NEGR1: variants seen among roughly 807,000 people sequenced by gnomAD.
NEGR1 encodes IgLON family member 4.
In NEGR1, 10 loss-of-function variants were observed where a neutral mutation model predicts 40.9. That is an observed-to-expected ratio of 0.24 (90% CI 0.15 to 0.42). The LOEUF is 0.42. Ranked by LOEUF, NEGR1 falls within the 10% of genes least tolerant of loss-of-function variation. The pLI, the probability that NEGR1 is intolerant of heterozygous loss-of-function variation, is 1.00. For missense variants in NEGR1, 352 were observed against 438.9 expected (o/e 0.80, Z 1.77); for synonymous variants, 185 against 166.8 (o/e 1.11, Z -0.84).
chr1:71,647,225 C>A (rs1197449214), intron 4 of NEGR1, among the ~76,000 whole-genome samples: 1 of 151,778 alleles, frequency 6.6e-6, no homozygotes, highest in Non-Finnish European at 1.5e-5. Context: ...TCACCATTTT[C>A]ATTCTTGAGA....
At chr1:71,707,884 A>G (rs1470652570) in intron 3 of NEGR1, among the ~76,000 whole-genome samples, 1 of 152,172 alleles carries the variant, frequency 6.6e-6, no homozygotes, top group Non-Finnish European at 1.5e-5. Flanking sequence ...CTTCTCTTGC[A>G]TCTTGTCCAA....
intron 6 of NEGR1, among the ~76,000 whole-genome samples, chr1:71,554,209 T>A (rs541706671): frequency 6.6e-6 from 1 of 151,726 alleles, no homozygotes; most frequent in South Asian, 2.1e-4. Context: ...TATAGAACAT[T>A]GATTGTTTTT....
chr1:71,915,686 T>G (rs765495511), intron 2 of NEGR1, among the ~76,000 whole-genome samples: 3 of 152,154 alleles, frequency 2.0e-5, no homozygotes, highest in Non-Finnish European at 4.4e-5. Context: ...AGATAAGTCT[T>G]ACTCCAGCAC....
intron 1 of NEGR1, among the ~76,000 whole-genome samples, chr1:71,963,793 T>A (rs775883950): frequency 1.3e-5 from 2 of 152,196 alleles, no homozygotes; most frequent in Non-Finnish European, 2.9e-5. Flanking sequence ...GTAATCATTT[T>A]CTCATTTTTT....
intron 1 of NEGR1, among the ~76,000 whole-genome samples, chr1:71,970,500 G>T (rs1326711799): frequency 2.6e-5 from 4 of 151,986 alleles, no homozygotes; most frequent in Non-Finnish European, 5.9e-5. Flanking sequence ...AGACCAGATT[G>T]GCCAACATGG....
intron 1 of NEGR1, among the ~76,000 whole-genome samples, chr1:72,235,670 G>A (rs1654521925): frequency 1.3e-5 from 2 of 151,852 alleles, no homozygotes; most frequent in Non-Finnish European, 2.9e-5. Context: ...AAAGAACAAT[G>A]GGAAAAGTGA....
At chr1:72,226,785 A>C (rs1034262366) in intron 1 of NEGR1, among the ~76,000 whole-genome samples, 3 of 152,058 alleles carry the variant, frequency 2.0e-5, no homozygotes, top group African/African-American at 7.2e-5. Flanking sequence ...ACGTATATTT[A>C]CTTTTATTTT....
chr1:71,927,818 T>TAAAAAAAAAAAAA (rs35429988), intron 2 of NEGR1, among the ~76,000 whole-genome samples: 1 of 22,448 alleles, frequency 4.5e-5, no homozygotes, highest in Non-Finnish European at 7.3e-5. Context: ...ACCCAATCTC[T>TAAAAAAAAAAAAA]AAAAAAAAAA....
chr1:72,275,273 TA>T, intron 1 of NEGR1: 2 of 531,460 alleles, frequency 3.8e-6, no homozygotes, highest in Middle Eastern at 5.2e-4. Context: ...TTTTTTTCTG[TA>T]ATAGATACAG....
At chr1:72,156,113 C>T (rs767686238) in intron 1 of NEGR1, among the ~76,000 whole-genome samples, 12 of 152,136 alleles carry the variant, frequency 7.9e-5, no homozygotes, top group African/African-American at 2.2e-4. Flanking sequence ...TCTGGAAGAA[C>T]GGTACTATAT....
chr1:71,513,521 C>A (rs1647091857), intron 6 of NEGR1, among the ~76,000 whole-genome samples: 1 of 152,324 alleles, frequency 6.6e-6, no homozygotes, highest in Non-Finnish European at 1.5e-5. Context: ...GGATCAACAT[C>A]TTTCTCCTGA....
chr1:72,177,821 A>T (rs1385967212), intron 1 of NEGR1, among the ~76,000 whole-genome samples: 1 of 150,726 alleles, frequency 6.6e-6, no homozygotes, highest in Non-Finnish European at 1.5e-5. Flanking sequence ...CAATACACTC[A>T]CAGGTTATTT....
At chr1:71,665,984 G>T (rs759822680) in intron 4 of NEGR1, among the ~76,000 whole-genome samples, 2 of 152,068 alleles carry the variant, frequency 1.3e-5, no homozygotes, top group Non-Finnish European at 2.9e-5. Context: ...GACAGAGCTT[G>T]TGCTTGATGT....
At chr1:72,242,342 T>C (rs1011893165) in intron 1 of NEGR1, among the ~76,000 whole-genome samples, 2 of 151,516 alleles carry the variant, frequency 1.3e-5, no homozygotes, top group East Asian at 1.9e-4. Flanking sequence ...AATTTTTGCA[T>C]GTATATGTGT....
chr1:71,426,646 A>G (rs181689113), intron 6 of NEGR1, among the ~76,000 whole-genome samples: 5 of 152,328 alleles, frequency 3.3e-5, no homozygotes, highest in Admixed American at 2.6e-4. Context: ...TGTGCTTACT[A>G]TCTCTTTAAA....
intron 5 of NEGR1, among the ~76,000 whole-genome samples, chr1:71,597,216 T>C (rs1483945461): frequency 1.3e-5 from 2 of 151,908 alleles, no homozygotes; most frequent in African/African-American, 4.8e-5. Context: ...AAAAATGAGG[T>C]TTTATTTGGT....
chr1:71,765,914 G>A lies in NEGR1; in HGVS notation c.535+10258C>T, dbSNP rs373352354. On this transcript the variant is annotated intron_variant, in intron 3 of 6. Transcript: ENST00000357731. ...GACCTGGCCAGGCGCGGTGGCTCAC[G>A]CCTGTAATCCCAGCACTTTGGGAGG... Among the ~76,000 whole-genome samples the A allele has an allele frequency of 4.0e-5, 6 of 151,448 alleles. No homozygotes were observed. The East Asian group carries it at 7.8e-4, about 20-fold the overall frequency.
intron 3 of NEGR1, among the ~76,000 whole-genome samples, chr1:71,721,130 C>T (rs893642675): frequency 6.6e-6 from 1 of 152,156 alleles, no homozygotes; most frequent in African/African-American, 2.4e-5. Context: ...ATTTCATAAG[C>T]TATGAAAATA....
At chr1:71,904,845 T>C (rs374171025) in intron 2 of NEGR1, among the ~76,000 whole-genome samples, 1 of 152,160 alleles carries the variant, frequency 6.6e-6, no homozygotes, top group African/African-American at 2.4e-5. Context: ...CAAAGTTGTA[T>C]GATTTGACAG....
Sources: allele counts gnomAD v4.1 joint callset (sites outside exome capture counted in the v4.1 genomes callset), GRCh38; gene constraint gnomAD v4.1.1; transcripts MANE v1.5; gene names NCBI Gene and HGNC (gene_info 2026-07-23, HGNC 2026-07-21).